GALNT2: variants seen among roughly 807,000 people sequenced by gnomAD.
GALNT2 encodes the protein polypeptide N-acetylgalactosaminyltransferase 2, also known as UDP-GalNAc:polypeptide N-acetylgalactosaminyltransferase 2.
GALNT2 carries 31 observed loss-of-function variants against 81.4 expected under a neutral mutation model. The ratio of observed to expected loss-of-function variants is 0.38; its 90% CI spans 0.29 to 0.51. The LOEUF (loss-of-function observed/expected upper bound fraction) is 0.51. Among genes scored for constraint, GALNT2 ranks in the 20% least tolerant of loss-of-function variants. The pLI is 0.87. For synonymous variants in GALNT2, 303 were observed against 287.4 expected (o/e 1.05, Z -0.55); for missense variants, 629 against 765.7 (o/e 0.82, Z 2.11).
At position 230,236,348 on chromosome 1, in the gene GALNT2, C is replaced by T. The variant is rs1371840362; in HGVS notation, c.474-5C>T. 6.2e-7 allele frequency: 1 copy of T among 1,613,548 alleles called. No homozygotes were observed. The highest frequency in any genetic ancestry group is 8.5e-7 in the Non-Finnish European group (1 of 1,179,676). ...TATAAACTTTATCTTCTTGTCTTTT[C>T]TTAGCGTGCTTAAGAAAAGCCCGCC... is the stretch of plus-strand genomic sequence containing the variant. On this transcript the variant is annotated splice_polypyrimidine_tract_variant and splice_region_variant and intron_variant, in intron 4 of 15. Coordinates refer to ENST00000366672, the MANE Select transcript of GALNT2 (RefSeq NM_004481.5).
chr1:230,223,131 A>G (rs1231845818), intron 3 of GALNT2, among the ~76,000 whole-genome samples: 2 of 151,434 alleles, frequency 1.3e-5, no homozygotes, highest in East Asian at 3.9e-4. Flanking sequence ...TAGAAGATAT[A>G]TATTCATGGA....
At chr1:230,158,085 G>C (rs1454471510) in intron 1 of GALNT2, among the ~76,000 whole-genome samples, 1 of 152,232 alleles carries the variant, frequency 6.6e-6, no homozygotes, top group African/African-American at 2.4e-5. Flanking sequence ...ACTGAGCACA[G>C]ATCAGGTTGA....
intron 2 of GALNT2, among the ~76,000 whole-genome samples, chr1:230,178,725 C>G (rs920238611): frequency 6.6e-6 from 1 of 152,052 alleles, no homozygotes; most frequent in Admixed American, 6.6e-5. Context: ...TATCCCCCAA[C>G]AGAGTGGTAC....
At chr1:230,096,638 C>T (rs1660262652) in intron 1 of GALNT2, among the ~76,000 whole-genome samples, 1 of 152,206 alleles carries the variant, frequency 6.6e-6, no homozygotes. Flanking sequence ...ACCTCCCTCC[C>T]TGCTCCCATC....
At chr1:230,132,330 T>A (rs1023551683) in intron 1 of GALNT2, among the ~76,000 whole-genome samples, 7 of 152,284 alleles carry the variant, frequency 4.6e-5, no homozygotes, top group Admixed American at 4.6e-4. Flanking sequence ...TCACCCAGAT[T>A]TCCTAAGGGA....
At chr1:230,205,670 C>T (rs950574852) in intron 3 of GALNT2, among the ~76,000 whole-genome samples, 1 of 152,124 alleles carries the variant, frequency 6.6e-6, no homozygotes, top group Non-Finnish European at 1.5e-5. Context: ...AGTGTTGAGG[C>T]CGAAGCTGTG....
intron 11 of GALNT2, among the ~76,000 whole-genome samples, chr1:230,256,284 A>G (rs1352108591): frequency 6.6e-6 from 1 of 152,188 alleles, no homozygotes; most frequent in African/African-American, 2.4e-5. Flanking sequence ...CATCTCTACT[A>G]AAAATACAAA....
chr1:230,112,800 T>TGG (rs200649766), intron 1 of GALNT2, among the ~76,000 whole-genome samples: 30 of 76,158 alleles, frequency 3.9e-4, no homozygotes, highest in African/African-American at 4.8e-4. Flanking sequence ...GGCAGGGGGG[T>TGG]GGGGGGGACC....
intron 11 of GALNT2, among the ~76,000 whole-genome samples, chr1:230,255,639 G>T (rs1349896605): frequency 6.6e-6 from 1 of 152,150 alleles, no homozygotes; most frequent in Non-Finnish European, 1.5e-5. Flanking sequence ...GCCAGGAGCT[G>T]TGATGGCAGG....
intron 1 of GALNT2, among the ~76,000 whole-genome samples, chr1:230,077,688 T>G (rs1659605618): frequency 1.3e-5 from 2 of 152,210 alleles, no homozygotes; most frequent in Non-Finnish European, 2.9e-5. Context: ...TGTTAGTGCC[T>G]ATTTTCTTCA....
At chr1:230,089,954 C>T (rs184443522) in intron 1 of GALNT2, among the ~76,000 whole-genome samples, 3 of 152,312 alleles carry the variant, frequency 2.0e-5, no homozygotes, top group Non-Finnish European at 2.9e-5. Context: ...TTTTAATATA[C>T]TGAGGAACCT....
At chr1:230,245,512 G>C (rs1665340331) in intron 7 of GALNT2, among the ~76,000 whole-genome samples, 1 of 151,966 alleles carries the variant, frequency 6.6e-6, no homozygotes, top group Non-Finnish European at 1.5e-5. Context: ...TTACAGATGA[G>C]GCAAACGTAG....
chr1:230,220,233 C>T (rs375794164), intron 3 of GALNT2, among the ~76,000 whole-genome samples: 1 of 151,720 alleles, frequency 6.6e-6, no homozygotes, highest in South Asian at 2.1e-4. Flanking sequence ...CAGATCATGG[C>T]AGGCTTTGCC....
At chr1:230,163,461 A>G (rs917446633) in intron 1 of GALNT2, among the ~76,000 whole-genome samples, 2 of 152,214 alleles carry the variant, frequency 1.3e-5, no homozygotes, top group African/African-American at 4.8e-5. Flanking sequence ...GGTGTGGTGT[A>G]ACTTCTCAGG....
chr1:230,082,887 GAACAAGC>G, intron 1 of GALNT2, among the ~76,000 whole-genome samples: 1 of 152,310 alleles, frequency 6.6e-6, no homozygotes, highest in Non-Finnish European at 1.5e-5. Flanking sequence ...CAGGATGATG[GAACAAGC>G]AGCCAGGATG....
chr1:230,140,870 T>C (rs777707291), intron 1 of GALNT2, among the ~76,000 whole-genome samples: 15 of 152,234 alleles, frequency 9.9e-5, no homozygotes, highest in Non-Finnish European at 2.1e-4. Flanking sequence ...AGTATTTCAG[T>C]GTATTCAGAG....
intron 1 of GALNT2, among the ~76,000 whole-genome samples, chr1:230,060,227 A>T (rs186942404): frequency 6.6e-6 from 1 of 152,226 alleles, no homozygotes; most frequent in African/African-American, 2.4e-5. Context: ...ATATTTATTC[A>T]CATCCTTGGC....
chr1:230,162,461 A>G (rs1662464395), intron 1 of GALNT2, among the ~76,000 whole-genome samples: 1 of 152,194 alleles, frequency 6.6e-6, no homozygotes, highest in African/African-American at 2.4e-5. Flanking sequence ...TGAAGGCCTC[A>G]GAAGCAAAAG....
At chr1:230,154,617 G>A (rs1662191866) in intron 1 of GALNT2, among the ~76,000 whole-genome samples, 1 of 152,118 alleles carries the variant, frequency 6.6e-6, no homozygotes, top group African/African-American at 2.4e-5. Flanking sequence ...TATGACTGGT[G>A]TCCTTATGAA....
Sources: gnomAD v4.1 joint callset for allele counts (sites outside exome capture counted in the v4.1 genomes callset) on GRCh38, gnomAD v4.1.1 for gene constraint, MANE v1.5 for transcripts, NCBI Gene and HGNC (gene_info 2026-07-23, HGNC 2026-07-21) for gene names.